The following NREP variants were observed in gnomAD, a reference collection of about 807,000 sequenced individuals.
NREP encodes the protein neuronal regeneration related protein.
In NREP, 5 loss-of-function variants were observed where a neutral mutation model predicts 8.6. The observed-to-expected ratio is 0.58, with a 90% CI of 0.30 to 1.22. The LOEUF is 1.22. NREP is among the 50% of genes most tolerant of loss of function. The pLI, the probability that NREP is intolerant of heterozygous loss-of-function variation, is 0.07. For synonymous variants in NREP, 27 were observed against 28.0 expected, an observed-to-expected ratio of 0.96 and a Z score of 0.11; for missense variants, 86 against 82.5, an observed-to-expected ratio of 1.04 and a Z score of -0.17.
intron 2 of NREP, among the ~76,000 whole-genome samples, chr5:111,887,572 C>G (rs1754292367): frequency 6.6e-6 from 1 of 152,094 alleles, no homozygotes; most frequent in Admixed American, 6.5e-5. Flanking sequence ...GAGTAGCAGC[C>G]TATAATTTGG....
At chr5:111,885,207 A>G (rs1754207715) in intron 2 of NREP, among the ~76,000 whole-genome samples, 1 of 151,742 alleles carries the variant, frequency 6.6e-6, no homozygotes, top group Admixed American at 6.6e-5. Context: ...CCAAATCATG[A>G]GTGAACTCCC....
chr5:111,975,282 G>C, exon 2 of NREP: 1 of 1,550,540 alleles, frequency 6.4e-7, no homozygotes, highest in Non-Finnish European at 8.7e-7. Context: ...ACACAATTCA[G>C]AACAGAAATC....
chr5:111,806,265 T>TATGA (rs1299322878), intron 2 of NREP, among the ~76,000 whole-genome samples: 2 of 152,144 alleles, frequency 1.3e-5, no homozygotes, highest in Non-Finnish European at 2.9e-5. Context: ...CAACTATCCC[T>TATGA]ATGAATGGGT....
intron 2 of NREP, among the ~76,000 whole-genome samples, chr5:111,874,884 G>A (rs1362359037): frequency 1.3e-5 from 2 of 152,150 alleles, no homozygotes; most frequent in Non-Finnish European, 2.9e-5. Flanking sequence ...ACACAATGAT[G>A]TCCCTCTACT....
At chr5:111,854,708 A>C (rs1753387620) in intron 2 of NREP, among the ~76,000 whole-genome samples, 1 of 152,186 alleles carries the variant, frequency 6.6e-6, no homozygotes, top group African/African-American at 2.4e-5. Context: ...CGTAAGTGAA[A>C]CATGAAAATG....
chr5:111,917,339 C>G (rs1043436595), intron 2 of NREP, among the ~76,000 whole-genome samples: 1 of 152,074 alleles, frequency 6.6e-6, no homozygotes, highest in Non-Finnish European at 1.5e-5. Context: ...AAAAGAGGGA[C>G]TCCTCCCTAA....
intron 2 of NREP, among the ~76,000 whole-genome samples, chr5:111,791,620 G>A (rs969563506): frequency 2.6e-5 from 4 of 152,030 alleles, no homozygotes; most frequent in Non-Finnish European, 4.4e-5. Flanking sequence ...TGGGACTATA[G>A]GTGTGTGCCA....
intron 2 of NREP, among the ~76,000 whole-genome samples, chr5:111,959,307 T>C (rs989509741): frequency 1.3e-5 from 2 of 151,956 alleles, no homozygotes; most frequent in Admixed American, 1.3e-4. Context: ...TGGTTAACTT[T>C]GAGGAAGGGG....
intron 2 of NREP, among the ~76,000 whole-genome samples, chr5:111,764,326 T>C (rs868454689): frequency 6.6e-6 from 1 of 152,316 alleles, no homozygotes; most frequent in Middle Eastern, 3.4e-3. Context: ...TGTTTTCATG[T>C]TGCTGATAAG....
At chr5:111,771,480 C>T (rs1355481684) in intron 2 of NREP, among the ~76,000 whole-genome samples, 1 of 150,806 alleles carries the variant, frequency 6.6e-6, no homozygotes, top group Non-Finnish European at 1.5e-5. Flanking sequence ...CACACTTGAA[C>T]ATTTATGTGC....
chr5:111,869,444 C>T (rs541940640), intron 2 of NREP, among the ~76,000 whole-genome samples: 4 of 152,314 alleles, frequency 2.6e-5, no homozygotes, highest in East Asian at 3.9e-4. Flanking sequence ...AAAACCCAAT[C>T]GTACAGCTGC....
intron 2 of NREP, among the ~76,000 whole-genome samples, chr5:111,825,503 C>T (rs10041953): frequency 0.41 from 61,592 of 151,988 alleles, 12,814 homozygotes; most frequent in East Asian, 0.61. Context: ...ATGTGATTGG[C>T]ACATGAAAGG....
chr5:111,825,809 G>A (rs1230127619), intron 2 of NREP, among the ~76,000 whole-genome samples: 2 of 152,072 alleles, frequency 1.3e-5, no homozygotes, highest in Non-Finnish European at 2.9e-5. Context: ...TTGTCAGGAG[G>A]TCTATTCTCT....
chr5:111,845,108 C>T (rs1468782168), intron 2 of NREP, among the ~76,000 whole-genome samples: 1 of 151,952 alleles, frequency 6.6e-6, no homozygotes, highest in Non-Finnish European at 1.5e-5. Flanking sequence ...AGCTTTGAAT[C>T]ATGGTTCAGT....
intron 2 of NREP, among the ~76,000 whole-genome samples, chr5:111,837,862 G>A (rs561309373): frequency 1.3e-5 from 2 of 152,048 alleles, no homozygotes; most frequent in East Asian, 3.9e-4. Context: ...GGAATCAGAG[G>A]GTCGTCACCT....
chr5:111,970,945 T>G (rs1581262331), intron 2 of NREP, among the ~76,000 whole-genome samples: 1 of 152,026 alleles, frequency 6.6e-6, no homozygotes, highest in Non-Finnish European at 1.5e-5. Context: ...AAATTTAGTG[T>G]GCATCAGAAT....
chr5:111,829,696 T>C (rs1010692167), intron 2 of NREP, among the ~76,000 whole-genome samples: 1 of 152,196 alleles, frequency 6.6e-6, no homozygotes, highest in African/African-American at 2.4e-5. Context: ...GTCTAGACTT[T>C]ACCTGAACTC....
chr5:111,836,910 C>CT (rs1249375656), intron 2 of NREP, among the ~76,000 whole-genome samples: 3 of 152,088 alleles, frequency 2.0e-5, no homozygotes, highest in Admixed American at 1.3e-4. Context: ...ACAAAACACT[C>CT]TTTCCACCCT....
chr5:111,970,825 CAAAAAAAAAAA>C (rs33962098), intron 2 of NREP, among the ~76,000 whole-genome samples: 4 of 53,630 alleles, frequency 7.5e-5, no homozygotes, highest in Admixed American at 2.3e-4. Context: ...GACTCCATCT[CAAAAAAAAAAA>C]AAAAAAAAAA....
Sources: allele counts gnomAD v4.1 joint callset (sites outside exome capture counted in the v4.1 genomes callset), GRCh38; gene constraint gnomAD v4.1.1; transcripts MANE v1.5; gene names NCBI Gene and HGNC (gene_info 2026-07-23, HGNC 2026-07-21).